Variants in PPARG observed in about 807,000 individuals in gnomAD.
PPARG encodes peroxisome proliferator activated receptor gamma.
In PPARG, 17 loss-of-function variants were observed where a neutral mutation model predicts 39.2. The observed-to-expected ratio is 0.43, with a 90% CI of 0.30 to 0.65. PPARG has a LOEUF of 0.65. Among genes scored for constraint, PPARG ranks in the 30% least tolerant of loss-of-function variants. The pLI is 0.13. For synonymous variants in PPARG, 223 were observed against 215.7 expected (o/e 1.03, Z -0.30); for missense variants, 406 against 585.9 (o/e 0.69, Z 3.17).
intron 2 of PPARG, among the ~76,000 whole-genome samples, chr3:12,325,566 A>G (rs968622833): frequency 3.3e-5 from 5 of 151,892 alleles, no homozygotes; most frequent in Non-Finnish European, 5.9e-5. Flanking sequence ...GCACCACTGC[A>G]CTCCAGCCTG....
At chr3:12,333,957 CT>C (rs969646566) in intron 2 of PPARG, among the ~76,000 whole-genome samples, 1 of 152,146 alleles carries the variant, frequency 6.6e-6, no homozygotes, top group African/African-American at 2.4e-5. Flanking sequence ...GAAACTTTGG[CT>C]TTTTTACATT....
At chr3:12,379,423 A>C (rs2049539791) in intron 2 of PPARG, among the ~76,000 whole-genome samples, 2 of 152,226 alleles carry the variant, frequency 1.3e-5, no homozygotes, top group Non-Finnish European at 2.9e-5. Context: ...GAAGTTAATG[A>C]GAGCAGGCCT....
At chr3:12,367,498 A>G (rs1156670936) in intron 2 of PPARG, among the ~76,000 whole-genome samples, 3 of 152,148 alleles carry the variant, frequency 2.0e-5, no homozygotes, top group Non-Finnish European at 2.9e-5. Context: ...CCTCAGGACC[A>G]GCGTAAGCAA....
intron 1 of PPARG, among the ~76,000 whole-genome samples, chr3:12,311,089 T>C (rs774728915): frequency 1.3e-5 from 2 of 152,164 alleles, no homozygotes; most frequent in Non-Finnish European, 2.9e-5. Flanking sequence ...GTTTTTGATA[T>C]TGAGTCTGTA....
intron 1 of PPARG, among the ~76,000 whole-genome samples, chr3:12,310,897 G>A (rs1170689180): frequency 6.7e-6 from 1 of 150,316 alleles, no homozygotes; most frequent in East Asian, 2.0e-4. Context: ...TGTAATGAGC[G>A]GTTTCGCTGT....
chr3:12,341,750 G>A (rs779691996), intron 2 of PPARG, among the ~76,000 whole-genome samples: 6 of 151,930 alleles, frequency 3.9e-5, no homozygotes, highest in African/African-American at 1.5e-4. Flanking sequence ...CAGAGGTTGC[G>A]GTGAGCTATG....
chr3:12,314,868 A>G (rs1168869222), intron 2 of PPARG, among the ~76,000 whole-genome samples: 1 of 152,208 alleles, frequency 6.6e-6, no homozygotes, highest in Non-Finnish European at 1.5e-5. Context: ...TTTATGTGGT[A>G]CAGTGTGACA....
rs545890900 is a variant in PPARG at position 12,419,105 on chromosome 3, C to T, written c.1180+1951C>T. Among the ~76,000 whole-genome samples the T allele has an allele frequency of 5.3e-5, 8 of 152,076 alleles. No individual in the cohort carries two copies. The East Asian group carries it at 5.8e-4, about 11-fold the overall frequency. On this transcript the variant is annotated intron_variant, in intron 7 of 7. Coordinates refer to ENST00000651735, the MANE Select transcript of PPARG (RefSeq NM_138711.6). The stretch of plus-strand genomic sequence containing the variant: ...GATTACAGGCACATGCCACCACACT[C>T]GGCTAATTTTTGTATTTTTAGTAGA...
At chr3:12,314,315 G>GT (rs2047331290) in intron 2 of PPARG, among the ~76,000 whole-genome samples, 1 of 151,878 alleles carries the variant, frequency 6.6e-6, no homozygotes, top group Non-Finnish European at 1.5e-5. Context: ...TTGAGTGAAA[G>GT]TTTAAGGTGA....
At chr3:12,339,392 G>A (rs2048108771) in intron 2 of PPARG, among the ~76,000 whole-genome samples, 2 of 152,126 alleles carry the variant, frequency 1.3e-5, no homozygotes, top group Non-Finnish European at 2.9e-5. Flanking sequence ...TTATGGTGAT[G>A]GTTGCAAAGC....
At chr3:12,392,471 T>G in intron 4 of PPARG, 143 bp from the exon 5 acceptor site, 1 of 861,800 alleles carries the variant, frequency 1.2e-6, no homozygotes, top group Non-Finnish European at 1.8e-6. Context: ...AGAGGTTAAG[T>G]GACTTGTCTA....
At chr3:12,384,123 G>GT (rs1553643757) in intron 4 of PPARG, among the ~76,000 whole-genome samples, 2 of 151,996 alleles carry the variant, frequency 1.3e-5, no homozygotes, top group Non-Finnish European at 2.9e-5. Context: ...ACATCTACAC[G>GT]TTTTAAAGGT....
At chr3:12,428,745 G>T (rs892715568) in intron 7 of PPARG, among the ~76,000 whole-genome samples, 2 of 152,158 alleles carry the variant, frequency 1.3e-5, no homozygotes, top group African/African-American at 2.4e-5. Context: ...GATCCATTTT[G>T]CCCTTGACTA....
chr3:12,378,504 C>A (rs2049501271), intron 2 of PPARG, among the ~76,000 whole-genome samples: 2 of 151,904 alleles, frequency 1.3e-5, no homozygotes, highest in Non-Finnish European at 2.9e-5. Context: ...AGAAGGAAAT[C>A]CTGTCATTTG....
At chr3:12,357,119 C>T (rs1024488356) in intron 2 of PPARG, among the ~76,000 whole-genome samples, 1 of 152,152 alleles carries the variant, frequency 6.6e-6, no homozygotes, top group African/African-American at 2.4e-5. Flanking sequence ...CCTAACCTCA[C>T]AACAGCCTAG....
At chr3:12,371,782 C>T (rs2049223797) in intron 2 of PPARG, 1 of 593,838 alleles carries the variant, frequency 1.7e-6, no homozygotes, top group South Asian at 1.5e-5. Flanking sequence ...GAGCAGGTCA[C>T]TTTGCCTCAT....
At chr3:12,299,125 C>T (rs533382294) in intron 1 of PPARG, among the ~76,000 whole-genome samples, 21 of 152,240 alleles carry the variant, frequency 1.4e-4, no homozygotes, top group Middle Eastern at 3.4e-3. Context: ...GTGAGCCACG[C>T]GCCCAGCCTG....
At position 12,316,984 on chromosome 3, in the gene PPARG, T is replaced by G. The variant is rs187052223; in HGVS notation, c.-9+4531T>G. Among the ~76,000 whole-genome samples the G allele has an allele frequency of 3.9e-3, 598 of 152,316 alleles. 8 individuals carry two copies. Among genetic ancestry groups the G allele is most frequent in the Non-Finnish European group, 5.3e-3 (359 of 68,020 alleles). ...TTAGATAAAAGATATCTGAACTTGT[T>G]TGGTCTCAGTGATTTTATGACTGAG... is the stretch of plus-strand genomic sequence containing the variant. On this transcript the variant is annotated intron_variant, in intron 2 of 7. Transcript: ENST00000651735.
chr3:12,334,679 G>C (rs9823137), intron 2 of PPARG, among the ~76,000 whole-genome samples: 1,970 of 152,134 alleles, frequency 0.013, 36 homozygotes, highest in African/African-American at 0.045. Context: ...ATATGCAAAA[G>C]TGCTCTGTGA....
Sources: allele counts gnomAD v4.1 joint callset (sites outside exome capture counted in the v4.1 genomes callset), GRCh38; gene constraint gnomAD v4.1.1; transcripts MANE v1.5; gene names NCBI Gene and HGNC (gene_info 2026-07-23, HGNC 2026-07-21).